Variants in DST observed in about 807,000 individuals in gnomAD.
DST encodes bullous pemphigoid antigen.
Under a neutral mutation model 875.2 loss-of-function variants are expected in DST, and 253 were observed. The ratio of observed to expected loss-of-function variants is 0.29; its 90% CI spans 0.26 to 0.32. The LOEUF is 0.32. Ranked by LOEUF, DST falls within the 10% of genes least tolerant of loss-of-function variation. The pLI, the probability that DST is intolerant of heterozygous loss-of-function variation, is 1.00. For missense variants in DST, 8,287 were observed against 9,111.6 expected, an observed-to-expected ratio of 0.91 and a Z score of 3.68; for synonymous variants, 3,124 against 3,197.1, an observed-to-expected ratio of 0.98 and a Z score of 0.77.
At chr6:56,665,108 G>C (rs746127590) in intron 10 of DST, among the ~76,000 whole-genome samples, 1 of 151,906 alleles carries the variant, frequency 6.6e-6, no homozygotes, top group Admixed American at 6.6e-5. Context: ...GCTTAATTTC[G>C]CTGTGATTTT....
At position 56,593,881 on chromosome 6, in the gene DST, A is replaced by C; in HGVS notation, c.12508T>G (p.Leu4170Val). Residue 4170 changes from leucine to valine, a missense_variant, in exon 48 of 104, where the codon TTA becomes GTA. Physicochemically the swap from Leu to Val is conservative, Grantham distance 32. This residue lies in a region of DST where 1,513 missense variants were observed against 1,677.8 expected (regional missense o/e 0.90). Coordinates refer to ENST00000680361, the MANE Select transcript of DST (RefSeq NM_001374736.1). ...LEAGADDING[L>V]MTKLKRQKSF... ...TTCTGCCTCTTCAATTTGGTCATTA[A>C]ACCATTGATGTCATCTGCACCTGCC... is the stretch of plus-strand genomic sequence containing the variant. 1 of 1,613,908 alleles carries C rather than the reference A, an allele frequency of 6.2e-7. No homozygotes were observed. Among genetic ancestry groups the C allele is most frequent in the Middle Eastern group, 1.6e-4 (1 of 6,062 alleles).
intron 5 of DST, among the ~76,000 whole-genome samples, chr6:56,705,432 A>G (rs1370498406): frequency 2.0e-5 from 3 of 152,220 alleles, no homozygotes; most frequent in Admixed American, 2.0e-4. Flanking sequence ...TCAAAACTAT[A>G]TAACTACACA....
At chr6:56,871,460 T>C in intron 3 of DST, 1 of 1,595,604 alleles carries the variant, frequency 6.3e-7, no homozygotes, top group Non-Finnish European at 8.6e-7. Context: ...GTGCTGAATT[T>C]TTGCTGCACA....
intron 35 of DST, among the ~76,000 whole-genome samples, chr6:56,624,834 T>C (rs2098719566): frequency 6.6e-6 from 1 of 152,174 alleles, no homozygotes; most frequent in African/African-American, 2.4e-5. Context: ...CACCATGAAG[T>C]ACATAAGTAC....
chr6:56,726,771 T>G (rs2099461300), intron 5 of DST, among the ~76,000 whole-genome samples: 1 of 152,208 alleles, frequency 6.6e-6, no homozygotes, highest in South Asian at 2.1e-4. Context: ...ATAGAAGTAA[T>G]ATAGTATACT....
Position 56,639,450 on chromosome 6 carries a change from A to C in DST, c.2859T>G (p.Ala953=), listed in dbSNP as rs1390924674. The C allele has an allele frequency of 6.8e-6, 11 of 1,613,676 alleles. No homozygotes were observed. Among genetic ancestry groups the C allele is most frequent in the Non-Finnish European group, 9.3e-6 (11 of 1,179,896 alleles). ...ATGCAAGTACAAAGGGTGTACTTACAGCATGATAATCTTTTTTCCTAGCTA... is the reference window on the plus strand; with the variant it reads ...ATGCAAGTACAAAGGGTGTACTTACCGCATGATAATCTTTTTTCCTAGCTA... ...TNIARKKDYH[A]ELMRELDQKE... Residue 953 remains alanine (A), a splice_region_variant and synonymous_variant, in exon 21 of 104, where the codon GCT becomes GCG. Coordinates refer to ENST00000680361, the MANE Select transcript of DST (RefSeq NM_001374736.1).
chr6:56,465,783 T>G (rs2094547551), intron 99 of DST, among the ~76,000 whole-genome samples: 1 of 151,342 alleles, frequency 6.6e-6, no homozygotes, highest in South Asian at 2.1e-4. Flanking sequence ...GTTGGTATAA[T>G]TGTTTGGAAA....
intron 88 of DST, 27 bp downstream of exon 88, chr6:56,485,285 A>G (rs749752189): frequency 6.2e-7 from 1 of 1,612,268 alleles, no homozygotes; most frequent in Non-Finnish European, 8.5e-7. Context: ...CAAACAAGAT[A>G]AAATAAAATG....
intron 49 of DST, among the ~76,000 whole-genome samples, chr6:56,588,821 A>C (rs1189427441): frequency 6.6e-6 from 1 of 152,182 alleles, no homozygotes; most frequent in Non-Finnish European, 1.5e-5. Flanking sequence ...ACCACGACCA[A>C]CATAGGATCT....
chr6:56,674,056 C>T (rs1459304986), intron 9 of DST, among the ~76,000 whole-genome samples: 1 of 152,034 alleles, frequency 6.6e-6, no homozygotes, highest in Admixed American at 6.6e-5. Context: ...ATTCATAATC[C>T]CTGATCTGAA....
Position 56,608,379 on chromosome 6 carries a change from T to C in DST, c.6249A>G (p.Thr2083=), listed in dbSNP as rs1442551571. ...IWPHSGEIFP[T]SSSLQQELIT... is the part of the protein sequence containing the mutation. The stretch of plus-strand genomic sequence containing the variant: ...TCAATTCTTGCTGCAAGGAAGATGA[T>C]GTGGGAAATATTTCACCAGAATGGG... Residue 2083 remains threonine, a synonymous_variant, in exon 40 of 104, where the codon ACA becomes ACG. Transcript: ENST00000680361. 1 of 1,612,998 alleles carries C rather than the reference T, an allele frequency of 6.2e-7. No homozygotes were observed. The highest frequency in any genetic ancestry group is 8.5e-7 in the Non-Finnish European group (1 of 1,179,802).
intron 4 of DST, among the ~76,000 whole-genome samples, chr6:56,795,203 C>T (rs2099737637): frequency 6.6e-6 from 1 of 151,556 alleles, no homozygotes; most frequent in Admixed American, 6.6e-5. Flanking sequence ...TCCATAAAAG[C>T]AGAATAATTA....
Position 56,459,204 on chromosome 6 carries a change from C to T in DST, c.23258G>A (p.Ser7753Asn). Residue 7753 changes from serine (S) to asparagine (N), a missense_variant, in exon 104 of 104, where the codon AGC becomes AAC. Around this residue, in one of 10 missense-constraint regions of DST, gnomAD observed 240 missense variants for 237.3 expected, o/e 1.01. Transcript: ENST00000680361. ...TGATGCATCACTGCCTCGGCGGCTG[C>T]TGGCCCTGCTGCCAGCTTTGCTTCC... ...RAGSKAGSRA[S>N]SRRGSDASDF... 6.2e-7 allele frequency: 1 copy of T among 1,613,666 alleles called. No individual in the cohort carries two copies. Among genetic ancestry groups the T allele is most frequent in the South Asian group, 1.1e-5 (1 of 91,014 alleles).
chr6:56,486,613 G>C (rs1033555028), intron 87 of DST, among the ~76,000 whole-genome samples: 1 of 152,058 alleles, frequency 6.6e-6, no homozygotes, highest in Non-Finnish European at 1.5e-5. Flanking sequence ...GAGAAAGAGG[G>C]AGATCAGAAA....
chr6:56,691,078 T>C (rs1384308962), intron 9 of DST, among the ~76,000 whole-genome samples: 2 of 152,192 alleles, frequency 1.3e-5, no homozygotes, highest in Non-Finnish European at 2.9e-5. Context: ...ACATATATTT[T>C]CCATTGAAGG....
intron 28 of DST, among the ~76,000 whole-genome samples, chr6:56,632,512 T>G (rs1481591879): frequency 1.3e-5 from 2 of 152,242 alleles, no homozygotes. Context: ...AAAAACCTTT[T>G]GCTTTAATCC....
chr6:56,828,796 A>G (rs1022202119), intron 4 of DST, among the ~76,000 whole-genome samples: 3 of 152,114 alleles, frequency 2.0e-5, no homozygotes, highest in Admixed American at 1.3e-4. Context: ...CAGGTGGGAG[A>G]GCAGAATCAG....
chr6:56,548,367 C>T (rs4236145), intron 61 of DST, among the ~76,000 whole-genome samples: 112,968 of 152,130 alleles, frequency 0.74, 42,104 homozygotes, highest in East Asian at 0.8. Context: ...AGCATCAAGT[C>T]TCTTTGATTT....
Position 56,538,328 on chromosome 6 carries a change from A to T in DST, c.16609-1388T>A, listed in dbSNP as rs933390316. On this transcript the variant is annotated intron_variant, in intron 61 of 103. Transcript: ENST00000680361. ...AATATAGGGCTTGGAGGATGCCATGAGGAAAATAAATTATTGGAACTAAGG... is the reference window on the plus strand; with the variant it reads ...AATATAGGGCTTGGAGGATGCCATGTGGAAAATAAATTATTGGAACTAAGG... Among the ~76,000 whole-genome samples the T allele has an allele frequency of 3.9e-5, 6 of 152,300 alleles. No homozygotes were observed. In the East Asian group the frequency reaches 9.6e-4, roughly 24 times the overall value.
Sources: allele counts gnomAD v4.1 joint callset (sites outside exome capture counted in the v4.1 genomes callset), GRCh38; gene constraint gnomAD v4.1.1; regional missense constraint gnomAD v4.1.1; transcripts MANE v1.5; gene names NCBI Gene and HGNC (gene_info 2026-07-23, HGNC 2026-07-21).